KCTD16: variants seen among roughly 807,000 people sequenced by gnomAD.
KCTD16 encodes potassium channel tetramerization domain containing 16, also known as BTB/POZ domain-containing protein KCTD16.
A neutral mutation model predicts 33.2 loss-of-function variants in KCTD16; 13 were observed. That is an observed-to-expected ratio of 0.39 (90% CI 0.25 to 0.62). The LOEUF is 0.62. KCTD16 is among the 20% of genes least tolerant of loss of function. The pLI, the probability that KCTD16 is intolerant of heterozygous loss-of-function variation, is 0.50. For synonymous variants in KCTD16, 197 were observed against 195.3 expected (o/e 1.01, Z -0.07); for missense variants, 441 against 525.1 (o/e 0.84, Z 1.57).
At chr5:144,351,121 A>T (rs555018530) in intron 3 of KCTD16, among the ~76,000 whole-genome samples, 1 of 152,322 alleles carries the variant, frequency 6.6e-6, no homozygotes, top group South Asian at 2.1e-4. Flanking sequence ...AATACGTATT[A>T]CTTCCCTTCA....
chr5:144,236,437 C>G (rs1428939719), intron 3 of KCTD16, among the ~76,000 whole-genome samples: 1 of 152,162 alleles, frequency 6.6e-6, no homozygotes, highest in South Asian at 2.1e-4. Context: ...ATTTATGGAA[C>G]TGGTGGGTAA....
chr5:144,195,502 G>T (rs1198676298), intron 2 of KCTD16, among the ~76,000 whole-genome samples: 1 of 152,148 alleles, frequency 6.6e-6, no homozygotes, highest in Middle Eastern at 3.2e-3. Context: ...TTGAGCTTCA[G>T]TGTTCACTGG....
At chr5:144,283,872 G>A (rs1755671576) in intron 3 of KCTD16, among the ~76,000 whole-genome samples, 1 of 152,146 alleles carries the variant, frequency 6.6e-6, no homozygotes, top group Admixed American at 6.5e-5. Context: ...GTATCCATTT[G>A]GTTGTGATCA....
At chr5:144,243,759 G>T (rs1267292049) in intron 3 of KCTD16, among the ~76,000 whole-genome samples, 1 of 151,416 alleles carries the variant, frequency 6.6e-6, no homozygotes, top group Non-Finnish European at 1.5e-5. Flanking sequence ...GTTTTTTTTA[G>T]AGAGAGAGAG....
At chr5:144,211,263 G>A (rs1423824644) in intron 3 of KCTD16, among the ~76,000 whole-genome samples, 2 of 152,132 alleles carry the variant, frequency 1.3e-5, no homozygotes, top group Admixed American at 1.3e-4. Flanking sequence ...ACTTTAACAA[G>A]CTTCAATAAG....
intron 3 of KCTD16, among the ~76,000 whole-genome samples, chr5:144,430,959 A>G (rs1230552914): frequency 6.6e-6 from 1 of 152,132 alleles, no homozygotes; most frequent in Non-Finnish European, 1.5e-5. Flanking sequence ...CTTATCCTAA[A>G]TAACATAAAT....
At chr5:144,377,399 T>C (rs902357929) in intron 3 of KCTD16, among the ~76,000 whole-genome samples, 1 of 152,090 alleles carries the variant, frequency 6.6e-6, no homozygotes, top group African/African-American at 2.4e-5. Context: ...CTGCCAGACA[T>C]GAAAGTTGGC....
chr5:144,366,402 C>T (rs1751834993), intron 3 of KCTD16, among the ~76,000 whole-genome samples: 1 of 152,188 alleles, frequency 6.6e-6, no homozygotes, highest in South Asian at 2.1e-4. Context: ...CTTTTCTCCC[C>T]TGACATCCTT....
chr5:144,394,890 C>G (rs1752531464), intron 3 of KCTD16, among the ~76,000 whole-genome samples: 1 of 152,198 alleles, frequency 6.6e-6, no homozygotes, highest in South Asian at 2.1e-4. Context: ...TTCTTTATAG[C>G]AGTGTGAGAA....
At chr5:144,200,395 T>A (rs1306382059) in intron 2 of KCTD16, among the ~76,000 whole-genome samples, 1 of 152,180 alleles carries the variant, frequency 6.6e-6, no homozygotes, top group Non-Finnish European at 1.5e-5. Context: ...CCCCGAAGGA[T>A]CTCCACTCCC....
chr5:144,441,772 GT>G (rs60099462), intron 3 of KCTD16, among the ~76,000 whole-genome samples: 12,871 of 111,742 alleles, frequency 0.12, 1,495 homozygotes, highest in African/African-American at 0.33. Flanking sequence ...CTCTAAATTT[GT>G]TTTTTTTTTT....
intron 3 of KCTD16, among the ~76,000 whole-genome samples, chr5:144,349,314 G>A (rs913530348): frequency 3.9e-5 from 6 of 152,166 alleles, no homozygotes; most frequent in African/African-American, 1.2e-4. Flanking sequence ...CCAGCTACAT[G>A]ACCCTGGGCA....
intron 3 of KCTD16, among the ~76,000 whole-genome samples, chr5:144,337,932 G>T (rs1469661649): frequency 6.6e-6 from 1 of 152,132 alleles, no homozygotes; most frequent in African/African-American, 2.4e-5. Context: ...CACCCTTTAG[G>T]ATTGTTGTGA....
chr5:144,346,463 C>T (rs760342016), intron 3 of KCTD16, among the ~76,000 whole-genome samples: 2 of 152,254 alleles, frequency 1.3e-5, no homozygotes, highest in East Asian at 3.9e-4. Flanking sequence ...TGCTCATTTA[C>T]ATTCCTACCA....
At chr5:144,333,736 A>T (rs1320909683) in intron 3 of KCTD16, among the ~76,000 whole-genome samples, 4 of 152,140 alleles carry the variant, frequency 2.6e-5, no homozygotes, top group African/African-American at 9.7e-5. Context: ...CAAGAGTGAA[A>T]GCAAGCCTCA....
intron 3 of KCTD16, among the ~76,000 whole-genome samples, chr5:144,361,416 C>A (rs957813870): frequency 2.0e-5 from 3 of 152,116 alleles, no homozygotes; most frequent in African/African-American, 2.4e-5. Flanking sequence ...CTTATAACAA[C>A]CCCTTTCACT....
intron 3 of KCTD16, among the ~76,000 whole-genome samples, chr5:144,468,751 G>T (rs977066632): frequency 1.3e-5 from 2 of 152,232 alleles, no homozygotes; most frequent in Non-Finnish European, 2.9e-5. Context: ...GAAGACAGGG[G>T]AAAGCAGTTT....
chr5:144,367,005 G>A (rs764698036), intron 3 of KCTD16, among the ~76,000 whole-genome samples: 1 of 152,188 alleles, frequency 6.6e-6, no homozygotes, highest in Admixed American at 6.5e-5. Context: ...GCTATTAGAG[G>A]AGGGGTCAGC....
chr5:144,445,985 T>C (rs994051548), intron 3 of KCTD16, among the ~76,000 whole-genome samples: 2 of 151,942 alleles, frequency 1.3e-5, no homozygotes, highest in South Asian at 2.1e-4. Flanking sequence ...TCTTTGGGAG[T>C]TGTCCTATTC....
Sources: allele counts gnomAD v4.1 joint callset (sites outside exome capture counted in the v4.1 genomes callset), GRCh38; gene constraint gnomAD v4.1.1; transcripts MANE v1.5; gene names NCBI Gene and HGNC (gene_info 2026-07-23, HGNC 2026-07-21).